BBS2: variants seen among roughly 807,000 people sequenced by gnomAD.
BBS2 encodes the protein BBSome complex member BBS2.
Under a neutral mutation model 83.0 loss-of-function variants are expected in BBS2, and 62 were observed. The ratio of observed to expected loss-of-function variants is 0.75; its 90% confidence interval spans 0.61 to 0.92. BBS2 has a LOEUF of 0.92. BBS2 is among the 40% of genes least tolerant of loss of function. The probability of loss-of-function intolerance (pLI) is 0.00; values close to 1 mark genes in which losing one functional copy is unlikely to be tolerated. For synonymous variants in BBS2, 303 were observed against 326.1 expected, an observed-to-expected ratio of 0.93 and a Z score of 0.76; for missense variants, 784 against 901.0, an observed-to-expected ratio of 0.87 and a Z score of 1.66.
At chr16:56,509,720 A>T in intron 5 of BBS2, 1 of 503,304 alleles carries the variant, frequency 2.0e-6, no homozygotes, top group Non-Finnish European at 3.6e-6. Flanking sequence ...GCCTTTATGT[A>T]TTCAACTATA....
At chr16:56,486,589 A>G (rs532296255) in intron 15 of BBS2, among the ~76,000 whole-genome samples, 1 of 152,192 alleles carries the variant, frequency 6.6e-6, no homozygotes, top group Non-Finnish European at 1.5e-5. Flanking sequence ...ATGAAGCCAG[A>G]CTCAAAAGGA....
chr16:56,485,901 C>G (rs1313467481), intron 15 of BBS2, among the ~76,000 whole-genome samples, 163 bp from the exon 16 acceptor site: 1 of 152,076 alleles, frequency 6.6e-6, no homozygotes, highest in Non-Finnish European at 1.5e-5. Context: ...CGGATAAGTT[C>G]CATAAAAATA....
chr16:56,498,656 C>A (rs776068203), intron 12 of BBS2, 88 bp from the exon 13 acceptor site: 2 of 1,593,144 alleles, frequency 1.3e-6, no homozygotes, highest in East Asian at 2.3e-5. Context: ...AAGGTACAGC[C>A]ATTCTTGAGG....
rs1418581968 is a variant in BBS2, at chr16:56,501,163, A to G, written c.1226-138T>C. The stretch of plus-strand genomic sequence containing the variant: ...ATCTCTACTAAAAATACAAAAAATT[A>G]GCTGGGCGTGGTGGTGGGCGCCTGT... On this transcript the variant is annotated intron_variant, in intron 10 of 16. Transcript: ENST00000245157. 3.9e-6 allele frequency: 5 copies of G among 1,297,430 alleles called. No homozygotes were observed. The Admixed American group carries it at 5.1e-5, about 13-fold the overall frequency. The allele number at this position is 1,297,430 out of a possible 1,614,324, so 80.4% of individuals were successfully genotyped here.
chr16:56,498,484 A>C lies in BBS2; in HGVS notation c.1612T>G (p.Leu538Val). The part of the protein sequence containing the change: ...NAPFQVCFTS[L>V]RNGGHLHIKI... ...ATATGCAGGTGGCCGCCATTCCGTAAAGATGTGAAACACACTTGAAATGGA... is the reference window on the plus strand; with the variant it reads ...ATATGCAGGTGGCCGCCATTCCGTACAGATGTGAAACACACTTGAAATGGA... Residue 538 changes from leucine (L) to valine (V), a missense_variant, in exon 13 of 17, where the codon TTA (leucine) becomes GTA (valine). By Grantham distance (32) the Leu-to-Val change is conservative. Coordinates refer to ENST00000245157, the MANE Select transcript of BBS2 (RefSeq NM_031885.5). The C allele has an allele frequency of 6.2e-7, 1 of 1,614,116 alleles. No homozygotes were observed. The highest frequency in any genetic ancestry group is 8.5e-7 in the Non-Finnish European group (1 of 1,180,012).
intron 14 of BBS2, 161 bp downstream of exon 14, chr16:56,497,582 T>TG: frequency 1.1e-6 from 1 of 889,638 alleles, no homozygotes; most frequent in East Asian, 2.6e-5. Context: ...AATAAATCCT[T>TG]AAGTAGTAAA....
intron 3 of BBS2, 45 bp from the exon 4 acceptor site, chr16:56,510,966 T>C (rs1158468699): frequency 6.2e-7 from 1 of 1,604,534 alleles, no homozygotes; most frequent in Non-Finnish European, 8.5e-7. Context: ...CGTTTCTCCA[T>C]TTACTCCAAA....
At chr16:56,509,556 AAAT>A (rs1469793513) in intron 5 of BBS2, 5 of 191,742 alleles carry the variant, frequency 2.6e-5, no homozygotes, top group Non-Finnish European at 3.3e-5. Context: ...TCATCTATAG[AAAT>A]AATAATAATT....
intron 17 of BBS2, among the ~76,000 whole-genome samples, chr16:56,475,110 CCA>C (rs1410372217): frequency 6.6e-6 from 1 of 152,136 alleles, no homozygotes; most frequent in East Asian, 1.9e-4. Context: ...GTCATGAATT[CCA>C]GTCTCCCAGC....
rs758752497 is a variant in BBS2, at chr16:56,502,597, G to A, written c.940+76C>T. ...ACAGGATCTCGGTACAAATACTTCA[G>A]GTGAAATTTCCTGATATTTTGACCC... is the stretch of plus-strand genomic sequence containing the variant. On this transcript the variant is annotated intron_variant, in intron 8 of 16. Transcript: ENST00000245157. The A allele has an allele frequency of 1.7e-4, 266 of 1,610,896 alleles. 1 individual carries two copies. Among genetic ancestry groups the A allele is most frequent in the Non-Finnish European group, 2.1e-4 (251 of 1,177,278 alleles).
intron 1 of BBS2, among the ~76,000 whole-genome samples, chr16:56,517,317 G>T (rs1478833235): frequency 2.0e-5 from 3 of 152,206 alleles, no homozygotes; most frequent in African/African-American, 7.2e-5. Flanking sequence ...GATCTGGCTT[G>T]TGTCTACCTC....
In BBS2 at chr16:56,506,253, T is replaced by A. The variant is rs578116018; in HGVS notation, c.613-29A>T. The A allele has an allele frequency of 2.0e-6, 3 of 1,528,980 alleles. No individual in the cohort carries two copies. In the African/African-American group the frequency reaches 4.1e-5, roughly 21 times the overall value. 94.7% of individuals were successfully genotyped at this position (1,528,980 alleles called of 1,614,324 possible). On this transcript the variant is annotated intron_variant, in intron 5 of 16. Coordinates refer to ENST00000245157, the MANE Select transcript of BBS2 (RefSeq NM_031885.5). Reference sequence around the variant, plus strand: ...CAAAACAATCCACAAAAACACAACATCTTTTCATTAAGACTCAGTTTACTG... The same window carrying A: ...CAAAACAATCCACAAAAACACAACAACTTTTCATTAAGACTCAGTTTACTG...
chr16:56,517,359 G>A (rs1377593901), intron 1 of BBS2, among the ~76,000 whole-genome samples: 3 of 152,122 alleles, frequency 2.0e-5, no homozygotes, highest in South Asian at 2.1e-4. Flanking sequence ...CAGCCCCAGC[G>A]GCTTCCTTGT....
chr16:56,499,794 G>C lies in BBS2; in HGVS notation c.1511C>G (p.Ala504Gly). 1 of 1,614,112 alleles carries C rather than the reference G, an allele frequency of 6.2e-7. No homozygotes were observed. The highest frequency in any genetic ancestry group is 1.6e-4 in the Middle Eastern group (1 of 6,062). Residue 504 changes from alanine to glycine, a missense_variant, in exon 12 of 17, where the codon GCA becomes GGA. Physicochemically the swap from Ala to Gly is moderately conservative, Grantham distance 60 (BLOSUM62 0). Transcript: ENST00000245157. ...GATACTCACCCTCTGTGCCCGTTCT[G>C]CAATGGTAAAGTTAACATAACTGAT... ...EPISYVNFTI[A>G]ERAQRVVVWL...
At chr16:56,497,490 G>C (rs1483054354) in intron 14 of BBS2, 1 of 550,388 alleles carries the variant, frequency 1.8e-6, no homozygotes, top group African/African-American at 1.9e-5. Context: ...GCTAACAAAG[G>C]AAAATGTTAA....
chr16:56,498,610 A>G (rs1964178387), intron 12 of BBS2, 42 bp from the exon 13 acceptor site: 1 of 1,613,386 alleles, frequency 6.2e-7, no homozygotes. Flanking sequence ...TTTTTAAGGT[A>G]CAGACGTTCT....
intron 15 of BBS2, among the ~76,000 whole-genome samples, chr16:56,493,582 T>C (rs1964025932): frequency 1.3e-5 from 2 of 152,096 alleles, no homozygotes; most frequent in African/African-American, 4.8e-5. Context: ...AGTTAGACTT[T>C]TCCGTGCATG....
chr16:56,519,856 G>A lies in BBS2; in HGVS notation c.7C>T (p.Leu3=), dbSNP rs755821671. The A allele has an allele frequency of 2.5e-6, 4 of 1,613,432 alleles. No homozygotes were observed. The highest frequency in any genetic ancestry group is 1.1e-5 in the South Asian group (1 of 91,070). ML[L]PVFTLKLRHK... ...CGCAGTTTCAGGGTGAACACAGGCA[G>A]CAGCATGATGGCGGCGGCTTAGGGG... The change falls in exon 1 of 17, where the codon CTG becomes TTG. Residue 3 remains leucine (L), a synonymous_variant. Coordinates refer to ENST00000245157, the MANE Select transcript of BBS2 (RefSeq NM_031885.5).
rs1395945199 is a variant in BBS2, at chr16:56,502,727, C to A, written c.886G>T (p.Asp296Tyr). ...TGTATGTGGCCATCCATCCGGTAAT[C>A]TCCCTCTACCACACCGGCAATTGCA... The part of the protein sequence containing the change: ...SSAIAGVVEG[D>Y]YRMDGHIQLI... The change falls in exon 8 of 17, where the codon GAT becomes TAT. Residue 296 changes from aspartate (D) to tyrosine (Y), a missense_variant. Asp to Tyr is a radical substitution (Grantham distance 160). Coordinates refer to ENST00000245157, the MANE Select transcript of BBS2 (RefSeq NM_031885.5). 6.2e-7 allele frequency: 1 copy of A among 1,614,080 alleles called. No homozygotes were observed. Among genetic ancestry groups the A allele is most frequent in the Non-Finnish European group, 8.5e-7 (1 of 1,180,050 alleles).
Sources: gnomAD v4.1 joint callset for allele counts (sites outside exome capture counted in the v4.1 genomes callset) on GRCh38, gnomAD v4.1.1 for gene constraint, MANE v1.5 for transcripts, NCBI Gene and HGNC (gene_info 2026-07-23, HGNC 2026-07-21) for gene names.